The following MAPK8 variants were observed in gnomAD, a reference collection of about 807,000 sequenced individuals.
MAPK8 encodes the protein mitogen-activated protein kinase 8, also known as JUN N-terminal kinase.
Under a neutral mutation model 52.9 loss-of-function variants are expected in MAPK8, and 13 were observed. That is an observed-to-expected ratio of 0.25 (90% CI 0.16 to 0.39). The LOEUF is 0.39. Ranked by LOEUF, MAPK8 falls within the 10% of genes least tolerant of loss-of-function variation. MAPK8 has a pLI of 1.00. For missense variants in MAPK8, 300 were observed against 519.2 expected (o/e 0.58, Z 4.10); for synonymous variants, 191 against 169.8 (o/e 1.12, Z -0.97).
chr10:48,424,481 C>A (rs1216240496), intron 7 of MAPK8: 2 of 1,360,784 alleles, frequency 1.5e-6, no homozygotes, highest in East Asian at 2.4e-5. Context: ...TAACCAAAAT[C>A]TTTATGTTAA....
chr10:48,435,057 G>GGGGGGGGGT lies in MAPK8; in HGVS notation c.*28_*29insGGGGGGGGT. 1 of 421,632 alleles carries GGGGGGGGGT rather than the reference G, an allele frequency of 2.4e-6. No homozygotes were observed. The highest frequency in any genetic ancestry group is 4.7e-6 in the Non-Finnish European group (1 of 213,340). The allele number at this position is 421,632 out of a possible 1,614,324, so 26.1% of individuals were successfully genotyped here. A position where few individuals can be genotyped will look rare whatever the true frequency, so the allele number is the denominator to read the frequency against. On this transcript the variant is annotated 3_prime_UTR_variant, in exon 12 of 12. Coordinates refer to ENST00000374189, the MANE Select transcript of MAPK8 (RefSeq NM_001323329.2). ...ACTTGGGCCATCGGGGGGTGGGAGG[G>GGGGGGGGGT]ATGGGGAGTCGGTTAGTCATTGATA...
chr10:48,399,848 G>A (rs867215343), intron 1 of MAPK8, among the ~76,000 whole-genome samples: 1 of 152,276 alleles, frequency 6.6e-6, no homozygotes, highest in East Asian at 1.9e-4. Context: ...TTGGGTGGAA[G>A]GTTTAACCTT....
At chr10:48,382,766 TTA>T (rs1206397677) in intron 1 of MAPK8, among the ~76,000 whole-genome samples, 1 of 147,522 alleles carries the variant, frequency 6.8e-6, no homozygotes, top group Non-Finnish European at 1.5e-5. Context: ...TATATATTTT[TTA>T]TATATTATAT....
chr10:48,394,084 A>G (rs2041768201), intron 1 of MAPK8, among the ~76,000 whole-genome samples: 1 of 151,992 alleles, frequency 6.6e-6, no homozygotes. Flanking sequence ...AGCCTGTTTA[A>G]GAAGAAATAG....
At chr10:48,328,474 G>A (rs781059779) in intron 1 of MAPK8, among the ~76,000 whole-genome samples, 7 of 152,144 alleles carry the variant, frequency 4.6e-5, no homozygotes, top group Non-Finnish European at 8.8e-5. Context: ...TGACCTGGTT[G>A]ATCGTTGAAT....
At chr10:48,410,955 C>T (rs1213491223) in intron 5 of MAPK8, among the ~76,000 whole-genome samples, 2 of 152,214 alleles carry the variant, frequency 1.3e-5, no homozygotes, top group Middle Eastern at 3.4e-3. Flanking sequence ...AAGCCCTTTG[C>T]TCATTTTTAA....
intron 1 of MAPK8, among the ~76,000 whole-genome samples, chr10:48,334,758 T>G (rs889931697): frequency 1.3e-5 from 2 of 152,052 alleles, no homozygotes; most frequent in Admixed American, 1.3e-4. Context: ...ACCCAAATAA[T>G]GGACTCGGAG....
intron 1 of MAPK8, among the ~76,000 whole-genome samples, chr10:48,392,811 A>C (rs1162574402): frequency 1.3e-5 from 2 of 151,974 alleles, no homozygotes; most frequent in Non-Finnish European, 2.9e-5. Flanking sequence ...TATCTATTTC[A>C]TCTTTGGTCT....
intron 1 of MAPK8, among the ~76,000 whole-genome samples, chr10:48,369,092 T>C (rs1241320982): frequency 6.6e-6 from 1 of 152,092 alleles, no homozygotes; most frequent in Non-Finnish European, 1.5e-5. Context: ...TTAAGGGGTA[T>C]GGTGAGTTGT....
At chr10:48,351,239 C>A (rs962003206) in intron 1 of MAPK8, among the ~76,000 whole-genome samples, 35 of 150,474 alleles carry the variant, frequency 2.3e-4, no homozygotes, top group Non-Finnish European at 2.7e-4. Context: ...CCACCATTGA[C>A]TTTCTTCACA....
chr10:48,316,926 A>G (rs1413055485), intron 1 of MAPK8, among the ~76,000 whole-genome samples: 1 of 152,192 alleles, frequency 6.6e-6, no homozygotes. Context: ...TATCCAGACT[A>G]TCCTAATGGT....
Position 48,373,776 on chromosome 10 carries a change from C to T in MAPK8, c.-49-27836C>T, listed in dbSNP as rs551073471. On this transcript the variant is annotated intron_variant, in intron 1 of 11. Coordinates refer to ENST00000374189, the MANE Select transcript of MAPK8 (RefSeq NM_001323329.2). ...AAGCAAGTTCTTAAAGACCTAGAGGCAGACTCCCACACAATAATAGTGAGA... is the reference window on the plus strand; with the variant it reads ...AAGCAAGTTCTTAAAGACCTAGAGGTAGACTCCCACACAATAATAGTGAGA... Among the ~76,000 whole-genome samples, 8 of 149,756 alleles carry T rather than the reference C, an allele frequency of 5.3e-5. No homozygotes were observed. The South Asian group carries it at 1.7e-3, about 31-fold the overall frequency.
chr10:48,432,008 A>T (rs12358297), intron 11 of MAPK8, among the ~76,000 whole-genome samples: 1 of 152,060 alleles, frequency 6.6e-6, no homozygotes, highest in Admixed American at 6.5e-5. Flanking sequence ...TAAGATTCCA[A>T]ATCTATTATG....
At chr10:48,313,922 A>G (rs1333963947) in intron 1 of MAPK8, among the ~76,000 whole-genome samples, 2 of 152,168 alleles carry the variant, frequency 1.3e-5, no homozygotes, top group East Asian at 1.9e-4. Flanking sequence ...CTTGGCCTCC[A>G]AAGTGCTGGG....
chr10:48,406,280 C>T (rs2133040855), intron 3 of MAPK8, among the ~76,000 whole-genome samples: 1 of 152,308 alleles, frequency 6.6e-6, no homozygotes, highest in Middle Eastern at 3.4e-3. Flanking sequence ...ATGTGTTGCT[C>T]ATCACAGTTT....
In MAPK8 at chr10:48,426,492, T is replaced by C. The variant is rs751835651; in HGVS notation, c.984T>C (p.Ser328=). The C allele has an allele frequency of 6.2e-7, 1 of 1,610,148 alleles. No homozygotes were observed. Among genetic ancestry groups the C allele is most frequent in the Non-Finnish European group, 8.5e-7 (1 of 1,178,738 alleles). ...HPYINVWYDP[S]EAEAPPPKIP... is the part of the protein sequence containing the mutation. The stretch of plus-strand genomic sequence containing the variant: ...ACATCAATGTCTGGTATGATCCTTC[T>C]GAAGCAGAAGCTGTAAGTTATTTTC... The change falls in exon 9 of 12, where the codon TCT becomes TCC. Residue 328 remains serine (S), a synonymous_variant. Coordinates refer to ENST00000374189, the MANE Select transcript of MAPK8 (RefSeq NM_001323329.2).
chr10:48,328,596 T>C (rs745545668), intron 1 of MAPK8, among the ~76,000 whole-genome samples: 1 of 152,240 alleles, frequency 6.6e-6, no homozygotes, highest in Non-Finnish European at 1.5e-5. Context: ...TTTTATGTGA[T>C]TGCTCACTTC....
intron 1 of MAPK8, among the ~76,000 whole-genome samples, chr10:48,371,953 AC>A (rs1848567637): frequency 6.6e-6 from 1 of 152,118 alleles, no homozygotes; most frequent in Non-Finnish European, 1.5e-5. Context: ...AAGATGCATA[AC>A]ACAAGGCGTG....
At chr10:48,320,968 T>C (rs1298649093) in intron 1 of MAPK8, among the ~76,000 whole-genome samples, 1 of 152,208 alleles carries the variant, frequency 6.6e-6, no homozygotes, top group Non-Finnish European at 1.5e-5. Flanking sequence ...CCCTGATAGC[T>C]AATGATATTG....
Sources: gnomAD v4.1 joint callset for allele counts (sites outside exome capture counted in the v4.1 genomes callset) on GRCh38, gnomAD v4.1.1 for gene constraint, MANE v1.5 for transcripts, NCBI Gene and HGNC (gene_info 2026-07-23, HGNC 2026-07-21) for gene names.